The following CDH3 variants were observed in gnomAD, a reference collection of about 807,000 sequenced individuals.
The protein encoded by CDH3 is cadherin 3.
In CDH3, 54 loss-of-function variants were observed where a neutral mutation model predicts 82.0. That is an observed-to-expected ratio of 0.66 (90% CI 0.53 to 0.83). CDH3 has a LOEUF of 0.83. CDH3 is among the 40% of genes least tolerant of loss of function. The pLI is 0.00. For synonymous variants in CDH3, 446 were observed against 437.9 expected (o/e 1.02, Z -0.23); for missense variants, 1,054 against 1,084.6 (o/e 0.97, Z 0.40).
At chr16:68,682,955 A>G (rs1961273200) in intron 9 of CDH3, among the ~76,000 whole-genome samples, 1 of 152,112 alleles carries the variant, frequency 6.6e-6, no homozygotes, top group Non-Finnish European at 1.5e-5. Context: ...GTTGGGTCAA[A>G]AAGTCTGAAT....
intron 9 of CDH3, among the ~76,000 whole-genome samples, chr16:68,684,067 CAAA>C (rs33992366): frequency 1.7e-5 from 2 of 119,788 alleles, no homozygotes; most frequent in Non-Finnish European, 1.7e-5. Flanking sequence ...ACTCCGTCTC[CAAA>C]AAAAAAAAAA....
Position 68,678,777 on chromosome 16 carries a change from G to A in CDH3, c.562G>A (p.Val188Met). 1.2e-6 allele frequency: 2 copies of A among 1,614,196 alleles called. No individual in the cohort carries two copies. Among genetic ancestry groups the A allele is most frequent in the East Asian group, 2.2e-5 (1 of 44,884 alleles). ...IAKYELFGHA[V>M]SENGASVEDP... is the part of the protein sequence containing the mutation. The stretch of plus-strand genomic sequence containing the variant: ...TACCCCACAGCTCTTTGGCCACGCT[G>A]TGTCAGAGAATGGTGCCTCAGTGGA... Residue 188 changes from valine (V) to methionine (M), a missense_variant, in exon 6 of 16, where the codon GTG becomes ATG. By Grantham distance (21) the Val-to-Met change is conservative. Transcript: ENST00000264012.
Position 68,678,179 on chromosome 16 carries a change from T to A in CDH3, c.292T>A (p.Ser98Thr), listed in dbSNP as rs373545976. The A allele has an allele frequency of 6.2e-7, 1 of 1,613,894 alleles. No individual in the cohort carries two copies. The highest frequency in any genetic ancestry group is 1.1e-5 in the South Asian group (1 of 91,070). ...KERNPLKIFP[S>T]KRILRRHKRD... ...AAGGAATCCATTGAAGATCTTCCCA[T>A]CCAAACGTATCTTACGAAGACACAA... The change falls in exon 4 of 16, where the codon TCC (serine) becomes ACC (threonine). Residue 98 changes from serine to threonine, a missense_variant. By Grantham distance (58) the Ser-to-Thr change is moderately conservative (BLOSUM62 1). Coordinates refer to ENST00000264012, the MANE Select transcript of CDH3 (RefSeq NM_001793.6).
chr16:68,693,018 C>G (rs1961617279), intron 13 of CDH3, among the ~76,000 whole-genome samples: 1 of 152,144 alleles, frequency 6.6e-6, no homozygotes, highest in African/African-American at 2.4e-5. Flanking sequence ...GCAGGAGAAT[C>G]ACTTGAACCC....
intron 2 of CDH3, among the ~76,000 whole-genome samples, chr16:68,655,070 TCTGA>T (rs1239601483): frequency 6.6e-6 from 1 of 151,712 alleles, no homozygotes; most frequent in Admixed American, 6.6e-5. Context: ...AGAGAAGGGG[TCTGA>T]CTATGTTGCC....
intron 9 of CDH3, among the ~76,000 whole-genome samples, chr16:68,683,156 A>G (rs1961278019): frequency 6.6e-6 from 1 of 152,180 alleles, no homozygotes; most frequent in Admixed American, 6.6e-5. Flanking sequence ...ACTATGAAGA[A>G]TGGTGTGGTT....
chr16:68,690,795 T>C (rs1961545060), intron 12 of CDH3, among the ~76,000 whole-genome samples: 1 of 151,130 alleles, frequency 6.6e-6, no homozygotes, highest in Admixed American at 6.6e-5. Flanking sequence ...TAATCTCAGC[T>C]ACTCAGGAGG....
intron 5 of CDH3, 24 bp downstream of exon 5, chr16:68,678,680 G>A (rs1961109786): frequency 1.9e-6 from 3 of 1,614,172 alleles, no homozygotes; most frequent in East Asian, 2.2e-5. Flanking sequence ...AGTGTCTACT[G>A]TAAATGTCCC....
downstream of CDH3, among the ~76,000 whole-genome samples, chr16:68,729,804 T>G (rs1962265373): frequency 6.6e-6 from 1 of 151,996 alleles, no homozygotes; most frequent in Non-Finnish European, 1.5e-5. Context: ...GCTATTTTTT[T>G]TTTAATTTTT....
At chr16:68,664,746 T>C (rs1391440001) in intron 2 of CDH3, among the ~76,000 whole-genome samples, 1 of 151,976 alleles carries the variant, frequency 6.6e-6, no homozygotes, top group African/African-American at 2.4e-5. Context: ...GCAGCCTTGA[T>C]CTCCCAGGCT....
intron 12 of CDH3, among the ~76,000 whole-genome samples, chr16:68,690,713 C>T (rs111377363): frequency 0.033 from 5,046 of 152,236 alleles, 272 homozygotes; most frequent in African/African-American, 0.11. Context: ...TTGAGACCAG[C>T]CTGGTCAAGA....
chr16:68,680,005 C>T lies in CDH3; in HGVS notation c.867+31C>T, dbSNP rs757533715. 28 of 1,598,676 alleles carry T rather than the reference C, an allele frequency of 1.8e-5. 1 individual carries two copies. In the Middle Eastern group the frequency reaches 5.0e-4, roughly 29 times the overall value. On this transcript the variant is annotated intron_variant, in intron 7 of 15. Transcript: ENST00000264012. ...TGGCCCTTAGGGAAAGTACTGCCTA[C>T]CCAGACTTGCCCAGGCTGGGAACTG... is the stretch of plus-strand genomic sequence containing the variant.
chr16:68,684,428 C>A (rs920601891), intron 9 of CDH3, among the ~76,000 whole-genome samples, 155 bp from the exon 10 acceptor site: 1 of 152,244 alleles, frequency 6.6e-6, no homozygotes, highest in East Asian at 1.9e-4. Context: ...TCAGGAAACA[C>A]GGGAGTGTTT....
chr16:68,733,276 G>A, the CDH3 span, among the ~76,000 whole-genome samples: 1 of 152,110 alleles, frequency 6.6e-6, no homozygotes. Context: ...GCACTGCCAT[G>A]TCCAGCTAAT....
chr16:68,649,415 T>C (rs1228025614), intron 2 of CDH3, among the ~76,000 whole-genome samples: 1 of 152,222 alleles, frequency 6.6e-6, no homozygotes, highest in East Asian at 1.9e-4. Context: ...GGGTATGCCC[T>C]TTATTTCCAT....
intron 2 of CDH3, among the ~76,000 whole-genome samples, chr16:68,661,427 G>A (rs1395774637): frequency 6.6e-6 from 1 of 152,184 alleles, no homozygotes; most frequent in East Asian, 1.9e-4. Flanking sequence ...ATGAGTTTGT[G>A]TATGAAACGG....
At position 68,684,781 on chromosome 16, in the gene CDH3, G is replaced by T. The variant is rs1028200553; in HGVS notation, c.1381G>T (p.Val461Phe). The T allele has an allele frequency of 1.9e-6, 3 of 1,614,066 alleles. No homozygotes were observed. Among genetic ancestry groups the T allele is most frequent in the African/African-American group, 2.7e-5 (2 of 74,930 alleles). ...EGIPTGEPVC[V>F]YTAEDPDKEN... ...CATCCCCACTGGGGAGCCTGTGTGT[G>T]TCTACACTGCAGAAGACCCTGACAA... The change falls in exon 10 of 16, where the codon GTC becomes TTC. Residue 461 changes from valine (V) to phenylalanine (F), a missense_variant. Transcript: ENST00000264012.
downstream of CDH3, among the ~76,000 whole-genome samples, chr16:68,704,511 C>T (rs1360635086): frequency 1.3e-5 from 2 of 152,192 alleles, no homozygotes; most frequent in Non-Finnish European, 1.5e-5. Context: ...TCTTTCCCCA[C>T]GCCCAGCAGA....
chr16:68,660,391 A>G (rs1466242710), intron 2 of CDH3, among the ~76,000 whole-genome samples: 3 of 152,216 alleles, frequency 2.0e-5, no homozygotes, highest in African/African-American at 4.8e-5. Context: ...ATTCATTCAC[A>G]CTAGCATTAT....
Sources: gnomAD v4.1 joint callset for allele counts (sites outside exome capture counted in the v4.1 genomes callset) on GRCh38, gnomAD v4.1.1 for gene constraint, MANE v1.5 for transcripts, NCBI Gene and HGNC (gene_info 2026-07-23, HGNC 2026-07-21) for gene names.